Variants in GPC6 observed in about 807,000 individuals in gnomAD.
The protein encoded by GPC6 is glypican-6.
A neutral mutation model predicts 55.2 loss-of-function variants in GPC6; 14 were observed. The ratio of observed to expected loss-of-function variants is 0.25; its 90% CI spans 0.17 to 0.40. The LOEUF is 0.40. Among genes scored for constraint, GPC6 ranks in the 10% least tolerant of loss-of-function variants. The pLI is 1.00. For synonymous variants in GPC6, 278 were observed against 259.6 expected (o/e 1.07, Z -0.68); for missense variants, 641 against 708.5 (o/e 0.90, Z 1.08).
intron 2 of GPC6, among the ~76,000 whole-genome samples, chr13:93,605,778 G>T (rs1054960910): frequency 6.7e-6 from 1 of 150,180 alleles, no homozygotes; most frequent in Non-Finnish European, 1.5e-5. Flanking sequence ...GGAGGTGGAG[G>T]TTGGAGTGAG....
chr13:93,334,772 ATTC>A (rs1391858339), intron 1 of GPC6, among the ~76,000 whole-genome samples: 1 of 152,114 alleles, frequency 6.6e-6, no homozygotes, highest in Non-Finnish European at 1.5e-5. Context: ...TGGCCTATTG[ATTC>A]TTCTTCACTG....
chr13:93,324,931 T>C (rs183489779), intron 1 of GPC6, among the ~76,000 whole-genome samples: 1 of 152,144 alleles, frequency 6.6e-6, no homozygotes, highest in Non-Finnish European at 1.5e-5. Context: ...ATCAAAAGTG[T>C]TTTTTACTTT....
At chr13:94,135,754 C>G (rs1031007798) in intron 4 of GPC6, among the ~76,000 whole-genome samples, 11 of 152,210 alleles carry the variant, frequency 7.2e-5, no homozygotes, top group African/African-American at 2.7e-4. Flanking sequence ...GAAAAAGAAG[C>G]CCTTGCTTGC....
intron 4 of GPC6, among the ~76,000 whole-genome samples, chr13:94,243,214 G>A (rs1891106052): frequency 6.6e-6 from 1 of 152,034 alleles, no homozygotes; most frequent in Non-Finnish European, 1.5e-5. Flanking sequence ...AAATTAGAAT[G>A]ACTAATACTG....
At position 93,483,212 on chromosome 13, in the gene GPC6, G is replaced by A. The variant is rs571108284; in HGVS notation, c.161-62051G>A. On this transcript the variant is annotated intron_variant, in intron 1 of 8. Coordinates refer to ENST00000377047, the MANE Select transcript of GPC6 (RefSeq NM_005708.5). ...TGATTTCTCATAATTAAATCCTGGA[G>A]TCCCACCTTTCACTGATGTATCATT... Among the ~76,000 whole-genome samples, 27 of 152,210 alleles carry A rather than the reference G, an allele frequency of 1.8e-4. 1 individual carries two copies. Among genetic ancestry groups the A allele is most frequent in the Admixed American group, 3.9e-4 (6 of 15,278 alleles).
intron 1 of GPC6, among the ~76,000 whole-genome samples, chr13:93,411,847 A>G (rs970937057): frequency 6.6e-6 from 1 of 151,870 alleles, no homozygotes; most frequent in African/African-American, 2.4e-5. Context: ...CTAAAAATAC[A>G]AAAACACTAG....
intron 3 of GPC6, among the ~76,000 whole-genome samples, chr13:93,988,456 T>A (rs1337873685): frequency 6.6e-6 from 1 of 152,178 alleles, no homozygotes; most frequent in Non-Finnish European, 1.5e-5. Context: ...CTTAATGCAT[T>A]ACGTTAAATG....
At chr13:93,756,530 A>G (rs1437761704) in intron 2 of GPC6, among the ~76,000 whole-genome samples, 1 of 152,062 alleles carries the variant, frequency 6.6e-6, no homozygotes, top group Non-Finnish European at 1.5e-5. Flanking sequence ...ACTACTTTTA[A>G]TTACTCTATT....
chr13:94,374,478 T>C (rs1036820432), intron 6 of GPC6, among the ~76,000 whole-genome samples: 3 of 144,548 alleles, frequency 2.1e-5, no homozygotes, highest in Non-Finnish European at 4.5e-5. Flanking sequence ...CATTACATAA[T>C]GGTAAAGGGA....
chr13:93,661,561 A>G (rs1410458087), intron 2 of GPC6, among the ~76,000 whole-genome samples: 1 of 152,152 alleles, frequency 6.6e-6, no homozygotes, highest in Non-Finnish European at 1.5e-5. Context: ...GGACACACAA[A>G]GATCTCATAA....
In GPC6 at chr13:93,815,869, C is replaced by T. The variant is rs144436224; in HGVS notation, c.320-14285C>T. On this transcript the variant is annotated intron_variant, in intron 2 of 8. Transcript: ENST00000377047. ...TTTTTCCTGTTGATAGATTTAAAGA[C>T]TAAAATGATTTCTAAGACATGGCTT... is the stretch of plus-strand genomic sequence containing the variant. Among the ~76,000 whole-genome samples, 48 of 152,164 alleles carry T rather than the reference C, an allele frequency of 3.2e-4. No homozygotes were observed. In the East Asian group the frequency reaches 9.3e-3, roughly 29 times the overall value.
intron 1 of GPC6, among the ~76,000 whole-genome samples, chr13:93,468,200 C>T (rs1020267164): frequency 1.3e-5 from 2 of 151,940 alleles, no homozygotes; most frequent in African/African-American, 4.8e-5. Context: ...CACATATACA[C>T]GAATATCTTC....
chr13:94,157,005 G>C (rs540603924), intron 4 of GPC6, among the ~76,000 whole-genome samples: 221 of 152,240 alleles, frequency 1.5e-3, no homozygotes, highest in Admixed American at 2.9e-3. Context: ...CACTATGCGC[G>C]AGGAGCTGTG....
At chr13:94,193,410 G>A (rs1019927046) in intron 4 of GPC6, among the ~76,000 whole-genome samples, 1 of 152,140 alleles carries the variant, frequency 6.6e-6, no homozygotes, top group Non-Finnish European at 1.5e-5. Flanking sequence ...GTGGGAGGGG[G>A]CCGCCATTCC....
At chr13:93,542,744 C>G (rs919749622) in intron 1 of GPC6, among the ~76,000 whole-genome samples, 3 of 152,062 alleles carry the variant, frequency 2.0e-5, no homozygotes, top group Non-Finnish European at 4.4e-5. Context: ...CATCACGTCC[C>G]TTGTAAGTTG....
intron 2 of GPC6, among the ~76,000 whole-genome samples, chr13:93,758,969 C>T (rs936040470): frequency 1.3e-5 from 2 of 152,136 alleles, no homozygotes; most frequent in Non-Finnish European, 2.9e-5. Context: ...TAAGTTCTAA[C>T]CTACAGTTTT....
chr13:93,497,020 C>G (rs1162926929), intron 1 of GPC6, among the ~76,000 whole-genome samples: 1 of 152,092 alleles, frequency 6.6e-6, no homozygotes, highest in East Asian at 1.9e-4. Flanking sequence ...GCTTTCGATG[C>G]GTTAATCCGA....
chr13:94,018,292 C>CTT (rs113742518), intron 3 of GPC6, among the ~76,000 whole-genome samples: 4 of 143,788 alleles, frequency 2.8e-5, no homozygotes, highest in South Asian at 2.2e-4. Flanking sequence ...TAGTATAATC[C>CTT]TTTTTTTTTT....
At chr13:94,077,396 A>C (rs1188811831) in intron 4 of GPC6, among the ~76,000 whole-genome samples, 1 of 151,856 alleles carries the variant, frequency 6.6e-6, no homozygotes, top group African/African-American at 2.4e-5. Flanking sequence ...AGTTTTCTAG[A>C]TATAAAATCA....
Sources: allele counts gnomAD v4.1 joint callset (sites outside exome capture counted in the v4.1 genomes callset), GRCh38; gene constraint gnomAD v4.1.1; transcripts MANE v1.5; gene names NCBI Gene and HGNC (gene_info 2026-07-23, HGNC 2026-07-21).